MYRIP: variants seen among roughly 807,000 people sequenced by gnomAD.
MYRIP encodes rab effector MyRIP.
A neutral mutation model predicts 98.0 loss-of-function variants in MYRIP; 49 were observed. The ratio of observed to expected loss-of-function variants is 0.50; its 90% CI spans 0.40 to 0.63. The LOEUF (loss-of-function observed/expected upper bound fraction) is 0.63, where lower values mean the gene tolerates loss of function less well. Ranked by LOEUF, MYRIP falls within the 30% of genes least tolerant of loss-of-function variation. MYRIP has a pLI of 0.00. For missense variants in MYRIP, 1,004 were observed against 1,058.2 expected (o/e 0.95, Z 0.71); for synonymous variants, 404 against 409.5 (o/e 0.99, Z 0.16).
intron 1 of MYRIP, among the ~76,000 whole-genome samples, chr3:39,888,492 C>G (rs893835038): frequency 1.3e-5 from 2 of 152,142 alleles, no homozygotes; most frequent in Admixed American, 6.5e-5. Flanking sequence ...AAAGCTGAAA[C>G]TGGATCCCTT....
At chr3:40,041,034 A>G in intron 2 of MYRIP, among the ~76,000 whole-genome samples, 1 of 147,738 alleles carries the variant, frequency 6.8e-6, no homozygotes, top group Non-Finnish European at 1.5e-5. Context: ...AAAAAAAAAA[A>G]AAAAAAAATC....
Position 40,126,643 on chromosome 3 carries a change from A to G in MYRIP, c.333-24405A>G, listed in dbSNP as rs573707028. On this transcript the variant is annotated intron_variant, in intron 3 of 16. Transcript: ENST00000302541. ...ATAAAATTTCTGAAAGGTTAAATAC[A>G]TAACCTACAACCAAATTTGAAGGAG... Among the ~76,000 whole-genome samples the G allele has an allele frequency of 6.6e-5, 10 of 152,364 alleles. No individual in the cohort carries two copies. The South Asian group carries it at 2.1e-3, about 32-fold the overall frequency.
chr3:39,982,412 G>T (rs1945916703), intron 2 of MYRIP, among the ~76,000 whole-genome samples: 1 of 152,126 alleles, frequency 6.6e-6, no homozygotes, highest in Non-Finnish European at 1.5e-5. Flanking sequence ...TTTCGTTAAT[G>T]GAAAATGTCA....
chr3:39,830,610 A>G (rs917083579), intron 1 of MYRIP, among the ~76,000 whole-genome samples: 4 of 152,142 alleles, frequency 2.6e-5, no homozygotes, highest in Non-Finnish European at 4.4e-5. Context: ...CCAATATGAA[A>G]TGTCGCTCCA....
At chr3:39,953,819 G>A (rs775609610) in intron 2 of MYRIP, among the ~76,000 whole-genome samples, 16 of 152,090 alleles carry the variant, frequency 1.1e-4, no homozygotes, top group South Asian at 2.1e-4. Flanking sequence ...GGACACTCCC[G>A]CCCTAATACT....
chr3:40,227,239 TGTTTGAGGGCCTG>T (rs774150230), intron 11 of MYRIP, among the ~76,000 whole-genome samples: 4 of 152,278 alleles, frequency 2.6e-5, no homozygotes, highest in Non-Finnish European at 5.9e-5. Flanking sequence ...TCATTGATGA[TGTTTGAGGGCCTG>T]GTTTTTTCAG....
intron 8 of MYRIP, chr3:40,173,781 T>C: frequency 6.6e-6 from 1 of 152,202 alleles, no homozygotes; most frequent in South Asian, 2.1e-4. Flanking sequence ...GATTTCCCTT[T>C]GGTTTACTAA....
At chr3:40,246,767 G>A (rs1953220387) in intron 13 of MYRIP, among the ~76,000 whole-genome samples, 1 of 152,056 alleles carries the variant, frequency 6.6e-6, no homozygotes, top group South Asian at 2.1e-4. Context: ...ACACTCTCAG[G>A]TGGTAATTAT....
chr3:39,999,663 A>G (rs1436048390), intron 2 of MYRIP, among the ~76,000 whole-genome samples: 4 of 152,218 alleles, frequency 2.6e-5, no homozygotes, highest in African/African-American at 9.7e-5. Context: ...TGACCCAGCA[A>G]TCCCATTACT....
intron 11 of MYRIP, chr3:40,232,806 A>G (rs930992765): frequency 6.6e-6 from 1 of 152,242 alleles, no homozygotes; most frequent in African/African-American, 2.4e-5. Context: ...TGAGCCATGA[A>G]CATAAAAGCT....
intron 11 of MYRIP, 128 bp from the exon 12 acceptor site, chr3:40,233,731 T>G: frequency 2.4e-6 from 2 of 835,216 alleles, no homozygotes; most frequent in Non-Finnish European, 1.9e-6. Flanking sequence ...CTTCAGCACA[T>G]TGGTGTTTGT....
At chr3:40,010,173 A>C (rs1466801472) in intron 2 of MYRIP, among the ~76,000 whole-genome samples, 1 of 152,224 alleles carries the variant, frequency 6.6e-6, no homozygotes. Flanking sequence ...GCGAGAGGGA[A>C]TGCAACAGCA....
chr3:40,215,337 T>A (rs1952083572), intron 11 of MYRIP, among the ~76,000 whole-genome samples: 1 of 152,172 alleles, frequency 6.6e-6, no homozygotes, highest in Non-Finnish European at 1.5e-5. Context: ...ATTTTCATTT[T>A]TTTCAATTTT....
chr3:40,171,174 G>A (rs369360911), intron 8 of MYRIP, among the ~76,000 whole-genome samples: 4 of 151,942 alleles, frequency 2.6e-5, no homozygotes, highest in African/African-American at 9.7e-5. Context: ...AGTAGAAGAC[G>A]CCATGCCCAC....
intron 1 of MYRIP, among the ~76,000 whole-genome samples, chr3:39,884,660 C>G (rs1233937517): frequency 6.6e-6 from 1 of 151,956 alleles, no homozygotes; most frequent in African/African-American, 2.4e-5. Flanking sequence ...CATACCATAC[C>G]TACTTTTCTG....
chr3:39,827,124 G>GT (rs1941289928), intron 1 of MYRIP, among the ~76,000 whole-genome samples: 1 of 151,990 alleles, frequency 6.6e-6, no homozygotes, highest in Non-Finnish European at 1.5e-5. Context: ...TTGTTTGTTT[G>GT]TTTTTAGAGA....
At chr3:40,229,543 G>T (rs570688444) in intron 11 of MYRIP, among the ~76,000 whole-genome samples, 1 of 152,208 alleles carries the variant, frequency 6.6e-6, no homozygotes, top group Non-Finnish European at 1.5e-5. Flanking sequence ...CTTCACGGAG[G>T]TTGACAGTAG....
intron 1 of MYRIP, among the ~76,000 whole-genome samples, chr3:39,900,152 A>G (rs540943750): frequency 4.2e-4 from 64 of 152,172 alleles, no homozygotes; most frequent in African/African-American, 1.4e-3. Context: ...AGTTTCCCAT[A>G]ATTTTTAGGT....
At chr3:40,179,190 C>T (rs1439825024) in intron 8 of MYRIP, among the ~76,000 whole-genome samples, 1 of 152,200 alleles carries the variant, frequency 6.6e-6, no homozygotes, top group Non-Finnish European at 1.5e-5. Flanking sequence ...GTGGCAGAAC[C>T]ACACCTGGGT....
Sources: allele counts gnomAD v4.1 joint callset (sites outside exome capture counted in the v4.1 genomes callset), GRCh38; gene constraint gnomAD v4.1.1; transcripts MANE v1.5; gene names NCBI Gene and HGNC (gene_info 2026-07-23, HGNC 2026-07-21).